Variants in DRC8 observed in about 807,000 individuals in gnomAD.
DRC8 encodes the protein dynein regulatory complex protein 8.
At chr1:245,003,662 T>A in the DRC8 span, among the ~76,000 whole-genome samples, 3 of 152,192 alleles carry the variant, frequency 2.0e-5, no homozygotes, top group Non-Finnish European at 4.4e-5. Flanking sequence ...GAATTATGGC[T>A]TACTGCAGCC....
At chr1:245,080,049 T>C in the DRC8 span, among the ~76,000 whole-genome samples, 1 of 152,204 alleles carries the variant, frequency 6.6e-6, no homozygotes, top group Admixed American at 6.5e-5. Flanking sequence ...CTGAGGGTTC[T>C]ACCTTGCTAG....
At chr1:245,104,930 C>G in the DRC8 span, among the ~76,000 whole-genome samples, 1 of 152,184 alleles carries the variant, frequency 6.6e-6, no homozygotes, top group African/African-American at 2.4e-5. Context: ...GTATCTAAAT[C>G]TTTAACTTTC....
the DRC8 span, among the ~76,000 whole-genome samples, chr1:244,977,582 C>A: frequency 2.6e-5 from 4 of 152,020 alleles, no homozygotes; most frequent in Non-Finnish European, 5.9e-5. Context: ...TTTGGAGCCC[C>A]CATCCCTCTG....
the DRC8 span, among the ~76,000 whole-genome samples, chr1:245,008,514 T>A: frequency 1.3e-5 from 2 of 152,138 alleles, no homozygotes; most frequent in African/African-American, 4.8e-5. Context: ...TTTTAAAAAA[T>A]CTTTAATATG....
chr1:245,089,627 A>C, the DRC8 span, among the ~76,000 whole-genome samples: 2 of 152,212 alleles, frequency 1.3e-5, no homozygotes, highest in East Asian at 1.9e-4. The surrounding 1 kb of genome is among the most constrained non-coding windows in gnomAD (Gnocchi z 4.8). Context: ...GGCCTCTCCC[A>C]CAGCAGATGT....
the DRC8 span, among the ~76,000 whole-genome samples, chr1:245,014,031 C>CAAAAAAAAAAAAAAAAAAAAA: frequency 1.1e-5 from 1 of 93,138 alleles, no homozygotes. Context: ...GACTCCATCT[C>CAAAAAAAAAAAAAAAAAAAAA]AAAAAAAAAA....
At chr1:245,083,326 G>A in the DRC8 span, 4 of 903,334 alleles carry the variant, frequency 4.4e-6, no homozygotes, top group South Asian at 6.0e-5. Context: ...GTCTGTGGAA[G>A]AATTGTCTTC....
At chr1:245,087,655 T>G in the DRC8 span, 23 of 1,043,932 alleles carry the variant, frequency 2.2e-5, no homozygotes, top group Non-Finnish European at 2.6e-5. Flanking sequence ...TCGAATTAAT[T>G]AAGCTGACAA....
chr1:245,073,529 G>A, the DRC8 span, among the ~76,000 whole-genome samples: 6 of 152,086 alleles, frequency 3.9e-5, no homozygotes, highest in Admixed American at 6.6e-5. Flanking sequence ...GGGACGGGGC[G>A]TGGCATATGG....
the DRC8 span, chr1:245,017,461 C>T: frequency 3.2e-5 from 29 of 911,512 alleles, no homozygotes; most frequent in Non-Finnish European, 3.8e-5. Flanking sequence ...TTCCATGCTC[C>T]GTAAAAGGTC....
chr1:244,973,918 G>T, the DRC8 span, among the ~76,000 whole-genome samples: 1 of 152,080 alleles, frequency 6.6e-6, no homozygotes, highest in Non-Finnish European at 1.5e-5. Flanking sequence ...GTACGTTGAA[G>T]TTGTTATACT....
the DRC8 span, among the ~76,000 whole-genome samples, chr1:245,008,155 C>T: frequency 6.7e-6 from 1 of 148,502 alleles, no homozygotes; most frequent in Non-Finnish European, 1.5e-5. Flanking sequence ...CAGCCTGGGA[C>T]AGAGCACGAC....
At chr1:245,017,362 A>G in the DRC8 span, 1 of 1,558,856 alleles carries the variant, frequency 6.4e-7, no homozygotes, top group Non-Finnish European at 8.7e-7. Context: ...ACACTTTTAA[A>G]TTACTGATAC....
At chr1:245,042,854 G>A in the DRC8 span, among the ~76,000 whole-genome samples, 1 of 152,090 alleles carries the variant, frequency 6.6e-6, no homozygotes, top group Non-Finnish European at 1.5e-5. Flanking sequence ...GCTCCCCCTT[G>A]TGTCAGGAAC....
At chr1:245,100,896 GT>G in the DRC8 span, among the ~76,000 whole-genome samples, 90 of 152,018 alleles carry the variant, frequency 5.9e-4, no homozygotes, top group African/African-American at 2.0e-3. Flanking sequence ...TTGTTTGTTT[GT>G]TTTTTGAGAT....
chr1:244,989,060 A>G, the DRC8 span, among the ~76,000 whole-genome samples: 1 of 152,152 alleles, frequency 6.6e-6, no homozygotes, highest in South Asian at 2.1e-4. Flanking sequence ...TCAAAGTACA[A>G]TGTTAATAAA....
the DRC8 span, among the ~76,000 whole-genome samples, chr1:245,098,154 A>G: frequency 6.6e-6 from 1 of 152,160 alleles, no homozygotes; most frequent in African/African-American, 2.4e-5. Context: ...AAGTAGAGAA[A>G]AAGACACCAA....
chr1:245,003,786 T>G, the DRC8 span, among the ~76,000 whole-genome samples: 1 of 152,096 alleles, frequency 6.6e-6, no homozygotes, highest in Non-Finnish European at 1.5e-5. Context: ...AACTTTTTTG[T>G]AGAGACAGGA....
At chr1:245,019,438 A>G in the DRC8 span, among the ~76,000 whole-genome samples, 1 of 152,132 alleles carries the variant, frequency 6.6e-6, no homozygotes, top group East Asian at 1.9e-4. Context: ...TCCAGGCTAG[A>G]TTATAGTGGC....
Sources: gnomAD v4.1 joint callset for allele counts (sites outside exome capture counted in the v4.1 genomes callset) on GRCh38, gnomAD v4.1.1 for gene constraint, Gnocchi (gnomAD v3.1) non-coding constraint, MANE v1.5 for transcripts, NCBI Gene and HGNC (gene_info 2026-07-23, HGNC 2026-07-21) for gene names.